The following CFAP119 variants were observed in gnomAD, a reference collection of about 807,000 sequenced individuals.
The protein encoded by CFAP119 is cilia and flagella associated protein 119.
chr16:30,757,496 CT>C, the CFAP119 span: 1 of 1,613,984 alleles, frequency 6.2e-7, no homozygotes, highest in South Asian at 1.1e-5. Flanking sequence ...TTGCTCTTGC[CT>C]TTACCCGGAG....
the CFAP119 span, chr16:30,760,203 C>CT: frequency 6.2e-7 from 1 of 1,610,048 alleles, no homozygotes; most frequent in Non-Finnish European, 8.5e-7. Context: ...AAATCCCCTG[C>CT]TTCTGCTTCC....
the CFAP119 span, chr16:30,758,696 C>T: frequency 2.8e-6 from 1 of 353,734 alleles, no homozygotes; most frequent in Non-Finnish European, 5.3e-6. Context: ...GCTGGGACTA[C>T]AAGCGCGCAC....
At chr16:30,761,226 G>C in the CFAP119 span, 1 of 1,613,768 alleles carries the variant, frequency 6.2e-7, no homozygotes, top group South Asian at 1.1e-5. Flanking sequence ...CGGGGCAGCG[G>C]CGGCTGCGGA....
chr16:30,757,563 G>A, the CFAP119 span: 1 of 1,614,228 alleles, frequency 6.2e-7, no homozygotes, highest in Middle Eastern at 1.6e-4. Flanking sequence ...TTTCCTCGCT[G>A]GCCTTGAGCC....
the CFAP119 span, chr16:30,757,911 T>C: frequency 1.1e-5 from 10 of 944,126 alleles, no homozygotes; most frequent in Non-Finnish European, 1.4e-5. Context: ...ATTTAACCTA[T>C]CTGTGCCTCA....
the CFAP119 span, chr16:30,759,640 C>G: frequency 2.5e-6 from 4 of 1,614,034 alleles, no homozygotes; most frequent in Non-Finnish European, 3.4e-6. Context: ...CCAGAATGTT[C>G]CAGGGGAACT....
chr16:30,759,540 A>C, the CFAP119 span: 4 of 1,614,178 alleles, frequency 2.5e-6, no homozygotes, highest in Non-Finnish European at 3.4e-6. Context: ...AACAGGAGCA[A>C]GGAGAGCCCA....
At chr16:30,761,582 G>T in the CFAP119 span, 2 of 1,536,042 alleles carry the variant, frequency 1.3e-6, no homozygotes, top group Non-Finnish European at 1.7e-6. Flanking sequence ...ATCCGCTTTC[G>T]CCGCCGCCGC....
At chr16:30,759,090 TTTC>T in the CFAP119 span, 4 of 1,614,220 alleles carry the variant, frequency 2.5e-6, no homozygotes, top group Admixed American at 6.7e-5. Flanking sequence ...ATCTCCTTGC[TTTC>T]TTCTTTCTCT....
At chr16:30,759,404 C>A in the CFAP119 span, 1 of 1,614,234 alleles carries the variant, frequency 6.2e-7, no homozygotes, top group Non-Finnish European at 8.5e-7. Flanking sequence ...ACCACGTAGT[C>A]TTCCAAGGCC....
At chr16:30,759,529 C>T in the CFAP119 span, 1 of 1,614,132 alleles carries the variant, frequency 6.2e-7, no homozygotes, top group Non-Finnish European at 8.5e-7. Flanking sequence ...AAAAGCCCAG[C>T]AACAGGAGCA....
At chr16:30,758,753 C>T in the CFAP119 span, 39,680 of 517,080 alleles carry the variant, frequency 0.077, 2,020 homozygotes, top group Non-Finnish European at 0.11. Flanking sequence ...GGGGGTTTCA[C>T]GGTGTTGCCC....
the CFAP119 span, chr16:30,760,467 G>A: frequency 1.7e-5 from 28 of 1,613,336 alleles, no homozygotes; most frequent in Non-Finnish European, 2.3e-5. Context: ...GGGAGGGAGA[G>A]AGGAGTGAGT....
the CFAP119 span, chr16:30,760,843 C>G: frequency 1.5e-6 from 1 of 647,736 alleles, no homozygotes; most frequent in Non-Finnish European, 2.7e-6. Flanking sequence ...CTCTTATGAG[C>G]CTCTCCATTT....
chr16:30,759,912 C>T, the CFAP119 span: 2 of 1,438,808 alleles, frequency 1.4e-6, no homozygotes, highest in Non-Finnish European at 1.8e-6. Flanking sequence ...GTTTTCGGCA[C>T]TGAACAAGAC....
chr16:30,758,825 A>G, the CFAP119 span: 4 of 976,466 alleles, frequency 4.1e-6, no homozygotes, highest in South Asian at 5.2e-5. Context: ...CTGGGATTAC[A>G]GGTGTGAGCC....
At chr16:30,757,837 A>G in the CFAP119 span, 2 of 1,405,434 alleles carry the variant, frequency 1.4e-6, no homozygotes, top group South Asian at 1.6e-5. Context: ...TAGGGTGGCT[A>G]TGCTGGACTT....
chr16:30,757,636 C>G, the CFAP119 span: 7 of 1,613,136 alleles, frequency 4.3e-6, no homozygotes, highest in African/African-American at 4.0e-5. Context: ...GATGTAGGCT[C>G]GGAGGACGTG....
chr16:30,760,589 C>T, the CFAP119 span: 130 of 1,561,188 alleles, frequency 8.3e-5, 1 homozygote, highest in East Asian at 3.1e-3. Context: ...TCTTCCCACG[C>T]CCCCCTCAGT....
Sources: allele counts gnomAD v4.1 joint callset, GRCh38; gene constraint gnomAD v4.1.1; transcripts MANE v1.5; gene names NCBI Gene and HGNC (gene_info 2026-07-23, HGNC 2026-07-21).